Variants in RTN4 observed in about 807,000 individuals in gnomAD.
RTN4 encodes reticulon 4.
Under a neutral mutation model 90.4 loss-of-function variants are expected in RTN4, and 32 were observed. That is an observed-to-expected ratio of 0.35 (90% CI 0.27 to 0.48). The LOEUF (loss-of-function observed/expected upper bound fraction) is 0.48. Among genes scored for constraint, RTN4 ranks in the 20% least tolerant of loss-of-function variants. The probability of loss-of-function intolerance (pLI) is 0.99; values close to 1 mark genes in which losing one functional copy is unlikely to be tolerated. For missense variants in RTN4, 1,706 were observed against 1,430.2 expected (o/e 1.19, Z -3.11); for synonymous variants, 629 against 552.5 (o/e 1.14, Z -1.94).
chr2:55,029,149 C>T (rs956664433), intron 1 of RTN4, among the ~76,000 whole-genome samples: 2 of 152,100 alleles, frequency 1.3e-5, no homozygotes, highest in Non-Finnish European at 2.9e-5. Context: ...CAGGCACACA[C>T]AAGAGGTCAT....
chr2:55,050,202 G>C lies in RTN4; in HGVS notation c.99C>G (p.Asp33Glu). 2 of 1,568,926 alleles carry C rather than the reference G, an allele frequency of 1.3e-6. No homozygotes were observed. The highest frequency in any genetic ancestry group is 1.7e-6 in the Non-Finnish European group (2 of 1,161,722). Residue 33 changes from aspartate (D) to glutamate (E), a missense_variant, in exon 1 of 9, where the codon GAC becomes GAG. Coordinates refer to ENST00000337526, the MANE Select transcript of RTN4 (RefSeq NM_020532.5). This position sits in a 1 kb window ranked among gnomAD's most constrained non-coding sequence, Gnocchi z 4.6. Reference sequence around the variant, plus strand: ...CTTCCTCCTCCTCTTCTTCCTCCTCGTCCTCGGGCTCCCTCACGAACTGGT... The same window carrying C: ...CTTCCTCCTCCTCTTCTTCCTCCTCCTCCTCGGGCTCCCTCACGAACTGGT... ...FKYQFVREPE[D>E]EEEEEEEEEE...
chr2:55,081,494 T>C (rs1419239022), intron 1 of RTN4, among the ~76,000 whole-genome samples: 1 of 152,192 alleles, frequency 6.6e-6, no homozygotes, highest in Non-Finnish European at 1.5e-5. Context: ...TATGCCATTA[T>C]GAATACTAAA....
At chr2:55,087,363 A>T (rs1242538385) in intron 1 of RTN4, among the ~76,000 whole-genome samples, 1 of 152,198 alleles carries the variant, frequency 6.6e-6, no homozygotes, top group Non-Finnish European at 1.5e-5. Flanking sequence ...TGTTCCACTC[A>T]TTAGCTTTTA....
chr2:55,107,959 C>CT lies in RTN4; in HGVS notation c.-214+4560dup, dbSNP rs879458057. ...GTTTCCCATCCTGTTAAATTCGGTC[C>CT]TTTTTTTTTTTGAGATGGAGTCTTG... On this transcript the variant is annotated intron_variant, in intron 1 of 3. Coordinates refer to the RTN4 transcript ENST00000427710. 4.1e-3 allele frequency among the ~76,000 whole-genome samples: 593 copies of CT among 146,322 alleles called. 6 individuals carry two copies. The highest frequency in any genetic ancestry group is 0.011 in the Middle Eastern group (3 of 282).
intron 2 of RTN4, among the ~76,000 whole-genome samples, chr2:55,062,018 A>C (rs1668304586): frequency 6.6e-6 from 1 of 151,182 alleles, no homozygotes; most frequent in Non-Finnish European, 1.5e-5. Flanking sequence ...GGACATCAAG[A>C]GCACGTCAAG....
chr2:55,041,525 G>C (rs1319620528), intron 1 of RTN4, among the ~76,000 whole-genome samples: 1 of 152,018 alleles, frequency 6.6e-6, no homozygotes, highest in African/African-American at 2.4e-5. Flanking sequence ...TGAACTGACA[G>C]ATAAATGGAA....
At chr2:55,053,291 A>G (rs1668129212), upstream of RTN4, among the ~76,000 whole-genome samples, 1 of 152,224 alleles carries the variant, frequency 6.6e-6, no homozygotes, top group African/African-American at 2.4e-5. Context: ...TATCACTATC[A>G]CTAACAAAAT....
rs1332616186 is a variant in RTN4 at position 55,050,106 on chromosome 2, C to A, written c.195G>T (p.Ala65=). 6.7e-7 allele frequency: 1 copy of A among 1,495,274 alleles called. No individual in the cohort carries two copies. The highest frequency in any genetic ancestry group is 2.7e-5 in the East Asian group (1 of 36,786). The allele number at this position is 1,495,274 out of a possible 1,614,324, so 92.6% of individuals were successfully genotyped here. ...LERKPAAGLS[A]APVPTAPAAG... is the part of the protein sequence containing the mutation. ...CGGCAGGGGCGGTGGGCACTGGGGC[C>A]GCGGACAGCCCGGCGGCGGGCTTCC... Residue 65 remains alanine (A), a synonymous_variant, in exon 1 of 9, where the codon GCG becomes GCT. Transcript: ENST00000337526. This position sits in a 1 kb window ranked among gnomAD's most constrained non-coding sequence, Gnocchi z 4.6.
intron 3 of RTN4, among the ~76,000 whole-genome samples, chr2:54,998,831 C>G (rs1679646045): frequency 6.6e-6 from 1 of 152,122 alleles, no homozygotes; most frequent in Non-Finnish European, 1.5e-5. Flanking sequence ...TTAGTGGTTC[C>G]TTATTTTTGA....
At chr2:55,125,238 C>T in the RTN4 span, among the ~76,000 whole-genome samples, 16 of 152,206 alleles carry the variant, frequency 1.1e-4, no homozygotes, top group East Asian at 5.8e-4. Context: ...GCTATCGCAA[C>T]GAAAGCAAAA....
At chr2:55,103,619 G>A (rs1272306490) in intron 1 of RTN4, among the ~76,000 whole-genome samples, 1 of 152,080 alleles carries the variant, frequency 6.6e-6, no homozygotes, top group Non-Finnish European at 1.5e-5. Context: ...CCACAGAGCT[G>A]TGTACTTTAT....
At chr2:55,054,955 T>C (rs1326219442), upstream of RTN4, among the ~76,000 whole-genome samples, 1 of 152,122 alleles carries the variant, frequency 6.6e-6, no homozygotes, top group Admixed American at 6.5e-5. Flanking sequence ...GTAATAAGAA[T>C]AGAAATATAA....
chr2:55,033,468 A>G (rs1289138014), intron 1 of RTN4, among the ~76,000 whole-genome samples: 1 of 152,186 alleles, frequency 6.6e-6, no homozygotes, highest in Non-Finnish European at 1.5e-5. Flanking sequence ...GGCAAACCAG[A>G]GCGGGTCATC....
chr2:55,002,040 C>A (rs1037035918), intron 3 of RTN4, among the ~76,000 whole-genome samples: 1 of 150,974 alleles, frequency 6.6e-6, no homozygotes, highest in South Asian at 2.2e-4. Context: ...TAAAGTCAAT[C>A]AAATCTTATT....
chr2:54,994,947 T>C (rs1679299565), intron 3 of RTN4, among the ~76,000 whole-genome samples: 1 of 152,148 alleles, frequency 6.6e-6, no homozygotes, highest in South Asian at 2.1e-4. Context: ...AAAAACATCA[T>C]CATATTCTAA....
At chr2:55,007,489 G>C (rs1680313164) in intron 3 of RTN4, among the ~76,000 whole-genome samples, 1 of 152,064 alleles carries the variant, frequency 6.6e-6, no homozygotes, top group Non-Finnish European at 1.5e-5. Flanking sequence ...CATAAAACCA[G>C]AGAACCTCTC....
intron 1 of RTN4, among the ~76,000 whole-genome samples, chr2:55,047,627 T>C (rs906337860): frequency 1.3e-5 from 2 of 152,084 alleles, no homozygotes; most frequent in African/African-American, 4.8e-5. Context: ...ACCTCTAACA[T>C]CCTACAAGGC....
the RTN4 span, among the ~76,000 whole-genome samples, chr2:55,117,814 T>C: frequency 6.6e-6 from 1 of 152,170 alleles, no homozygotes; most frequent in Admixed American, 6.5e-5. Context: ...AGGAGAGTGA[T>C]TACCTTTGGG....
At chr2:54,977,362 G>T (rs2968804) in intron 5 of RTN4, among the ~76,000 whole-genome samples, 2 of 151,226 alleles carry the variant, frequency 1.3e-5, no homozygotes, top group Non-Finnish European at 2.9e-5. Flanking sequence ...CTGAGAGCTA[G>T]ATTTTAGTGT....
Sources: allele counts gnomAD v4.1 joint callset (sites outside exome capture counted in the v4.1 genomes callset), GRCh38; gene constraint gnomAD v4.1.1; non-coding constraint Gnocchi (gnomAD v3.1); transcripts MANE v1.5; gene names NCBI Gene and HGNC (gene_info 2026-07-23, HGNC 2026-07-21).